PTPRA: variants seen among roughly 807,000 people sequenced by gnomAD.
PTPRA encodes receptor-type tyrosine-protein phosphatase alpha.
PTPRA carries 25 observed loss-of-function variants against 104.8 expected under a neutral mutation model. That is an observed-to-expected ratio of 0.24 (90% CI 0.17 to 0.33). The LOEUF is 0.33. Ranked by LOEUF, PTPRA falls within the 10% of genes least tolerant of loss-of-function variation. The pLI, the probability that PTPRA is intolerant of heterozygous loss-of-function variation, is 1.00. For synonymous variants in PTPRA, 323 were observed against 368.9 expected (o/e 0.88, Z 1.43); for missense variants, 765 against 1,015.3 (o/e 0.75, Z 3.35).
intron 13 of PTPRA, 139 bp from the exon 14 acceptor site, chr20:3,021,170 C>A: frequency 8.5e-7 from 1 of 1,182,288 alleles, no homozygotes; most frequent in Non-Finnish European, 1.2e-6. Context: ...AAGTGTGCAA[C>A]TGACTGAGAT....
chr20:3,027,579 A>T, intron 19 of PTPRA, 128 bp from the exon 20 acceptor site: 1 of 1,293,158 alleles, frequency 7.7e-7, no homozygotes, highest in Non-Finnish European at 1.1e-6. Context: ...GTCCTTGGCC[A>T]CAGGGGAGCT....
intron 1 of PTPRA, among the ~76,000 whole-genome samples, chr20:2,897,697 C>A (rs2059064832): frequency 6.6e-6 from 1 of 151,850 alleles, no homozygotes; most frequent in South Asian, 2.1e-4. Context: ...CAATCACTTG[C>A]TATTTCACTC....
intron 5 of PTPRA, among the ~76,000 whole-genome samples, chr20:2,971,870 C>T (rs563083260): frequency 6.6e-6 from 1 of 152,066 alleles, no homozygotes; most frequent in Admixed American, 6.5e-5. Flanking sequence ...GAGATGGAGT[C>T]TGTTACCAGG....
chr20:3,014,027 C>T lies in PTPRA; in HGVS notation c.907-1822C>T, dbSNP rs147717647. On this transcript the variant is annotated intron_variant, in intron 11 of 23. Transcript: ENST00000399903. The stretch of plus-strand genomic sequence containing the variant: ...CCAGGTGTTCAGGCTGTTCAGGGCC[C>T]GCATGCTGCAATGAGAATTTAGCAG... 8.1e-4 allele frequency among the ~76,000 whole-genome samples: 124 copies of T among 152,210 alleles called. 1 individual carries two copies. The highest frequency in any genetic ancestry group is 6.8e-3 in the Middle Eastern group (2 of 294).
chr20:2,969,286 C>T (rs899502730), intron 5 of PTPRA, among the ~76,000 whole-genome samples: 5 of 150,804 alleles, frequency 3.3e-5, no homozygotes, highest in Admixed American at 6.6e-5. Flanking sequence ...CTCACCCTGT[C>T]GCCCAGTCTG....
chr20:2,945,746 T>C (rs1054706390), intron 2 of PTPRA, among the ~76,000 whole-genome samples: 1 of 151,938 alleles, frequency 6.6e-6, no homozygotes, highest in Non-Finnish European at 1.5e-5. Context: ...CTTGCCAACA[T>C]GGTGAAACCC....
intron 7 of PTPRA, 116 bp downstream of exon 7, chr20:2,986,965 G>GA: frequency 1.1e-6 from 1 of 937,172 alleles, no homozygotes; most frequent in African/African-American, 1.6e-5. Context: ...GATAGAGGGG[G>GA]AATGACCCAT....
chr20:2,912,483 G>A (rs143457404), intron 1 of PTPRA, among the ~76,000 whole-genome samples: 1 of 152,214 alleles, frequency 6.6e-6, no homozygotes, highest in African/African-American at 2.4e-5. Context: ...AATTAGCTGG[G>A]CATGGTGGCT....
intron 10 of PTPRA, among the ~76,000 whole-genome samples, chr20:3,006,865 A>C (rs900918388): frequency 1.3e-5 from 2 of 152,158 alleles, no homozygotes; most frequent in African/African-American, 2.4e-5. Flanking sequence ...TCCTGACCTC[A>C]AGTGATGCAC....
At chr20:2,955,546 T>TG in intron 3 of PTPRA, 1 of 841,062 alleles carries the variant, frequency 1.2e-6, no homozygotes, top group Non-Finnish European at 1.4e-6. Context: ...GTTTTGGACT[T>TG]CTCTATCACA....
intron 2 of PTPRA, among the ~76,000 whole-genome samples, chr20:2,928,009 C>T (rs935544893): frequency 6.6e-6 from 1 of 151,506 alleles, no homozygotes; most frequent in East Asian, 2.1e-4. Context: ...GACTCCATCT[C>T]AGTCAATCAA....
At chr20:2,889,024 A>C (rs370772533) in intron 1 of PTPRA, among the ~76,000 whole-genome samples, 1 of 152,224 alleles carries the variant, frequency 6.6e-6, no homozygotes, top group Non-Finnish European at 1.5e-5. Context: ...CAAAGGTTCT[A>C]CTTTGAAGAG....
chr20:3,008,476 G>A (rs2063977443), intron 11 of PTPRA, among the ~76,000 whole-genome samples: 1 of 152,116 alleles, frequency 6.6e-6, no homozygotes, highest in Non-Finnish European at 1.5e-5. Context: ...TGCTGGGGGA[G>A]GGAGGAATGA....
intron 5 of PTPRA, among the ~76,000 whole-genome samples, chr20:2,972,917 G>A (rs769851268): frequency 5.9e-5 from 9 of 151,520 alleles, no homozygotes; most frequent in African/African-American, 1.2e-4. Flanking sequence ...ATGGGGTTTC[G>A]CCATGTTGCC....
the PTPRA span, chr20:2,864,792 G>A: frequency 8.7e-7 from 1 of 1,155,326 alleles, no homozygotes; most frequent in Non-Finnish European, 1.3e-6. This position sits in a 1 kb window ranked among gnomAD's most constrained non-coding sequence, Gnocchi z 5.2. Flanking sequence ...TCTGACGTGA[G>A]GCCAGGATGG....
intron 2 of PTPRA, among the ~76,000 whole-genome samples, chr20:2,946,621 A>G (rs954619878): frequency 6.6e-6 from 1 of 152,106 alleles, no homozygotes; most frequent in African/African-American, 2.4e-5. Context: ...AGGCTGAGGC[A>G]GGCGGATCAC....
intron 1 of PTPRA, among the ~76,000 whole-genome samples, chr20:2,874,823 T>C (rs1047608775): frequency 6.6e-6 from 1 of 152,220 alleles, no homozygotes; most frequent in Non-Finnish European, 1.5e-5. Flanking sequence ...TGCCTCAATT[T>C]ACTCCTTTAC....
At position 2,995,372 on chromosome 20, in the gene PTPRA, T is replaced by G. The variant is rs985036975; in HGVS notation, c.738+6898T>G. Among the ~76,000 whole-genome samples the G allele has an allele frequency of 3.4e-4, 51 of 152,206 alleles. 1 individual carries two copies. The highest frequency in any genetic ancestry group is 3.2e-3 in the Admixed American group (49 of 15,298). On this transcript the variant is annotated intron_variant, in intron 9 of 23. Coordinates refer to ENST00000399903, the MANE Select transcript of PTPRA (RefSeq NM_001385305.1). ...ATCTCAAGCAGTCCTCCCACCTTGG[T>G]CTCCCAGAGTGCTGGGATTACAGGC...
intron 20 of PTPRA, among the ~76,000 whole-genome samples, chr20:3,028,221 G>C (rs1377004982): frequency 6.6e-6 from 1 of 152,118 alleles, no homozygotes; most frequent in East Asian, 1.9e-4. Context: ...CCCCAGGCAG[G>C]GCAGATAGGT....
Sources: allele counts gnomAD v4.1 joint callset (sites outside exome capture counted in the v4.1 genomes callset), GRCh38; gene constraint gnomAD v4.1.1; non-coding constraint Gnocchi (gnomAD v3.1); transcripts MANE v1.5; gene names NCBI Gene and HGNC (gene_info 2026-07-23, HGNC 2026-07-21).